TAFA2: variants seen among roughly 807,000 people sequenced by gnomAD.
The protein encoded by TAFA2 is chemokine-like protein TAFA-2.
TAFA2 carries 7 observed loss-of-function variants against 18.8 expected under a neutral mutation model. The observed-to-expected ratio is 0.37, with a 90% CI of 0.21 to 0.70. The LOEUF (loss-of-function observed/expected upper bound fraction) is 0.70. TAFA2 is among the 30% of genes least tolerant of loss of function. The probability of loss-of-function intolerance (pLI) is 0.53; values close to 1 mark genes in which losing one functional copy is unlikely to be tolerated. For missense variants in TAFA2, 122 were observed against 158.1 expected (o/e 0.77, Z 1.23); for synonymous variants, 60 against 54.2 (o/e 1.11, Z -0.47).
At chr12:61,807,738 C>G (rs1266575122) in intron 2 of TAFA2, among the ~76,000 whole-genome samples, 1 of 151,450 alleles carries the variant, frequency 6.6e-6, no homozygotes, top group African/African-American at 2.5e-5. Context: ...GGATATGAGA[C>G]ATGGAGTCAA....
At chr12:61,962,109 A>T (rs761822245) in intron 1 of TAFA2, among the ~76,000 whole-genome samples, 48 of 152,012 alleles carry the variant, frequency 3.2e-4, no homozygotes, top group Non-Finnish European at 6.6e-4. Context: ...TTTATTCTTC[A>T]TTCATTCATT....
At chr12:61,868,637 C>G (rs1415999015) in intron 1 of TAFA2, among the ~76,000 whole-genome samples, 12 of 152,012 alleles carry the variant, frequency 7.9e-5, no homozygotes, top group Admixed American at 7.9e-4. Flanking sequence ...GAACAGGTGG[C>G]TATACAATTT....
chr12:61,836,732 GATAT>G lies in TAFA2; in HGVS notation c.106+30584_106+30587del, dbSNP rs3034054. Among the ~76,000 whole-genome samples, 99 of 112,742 alleles carry G rather than the reference GATAT, an allele frequency of 8.8e-4. 4 individuals are homozygous for G. The highest frequency in any genetic ancestry group is 2.2e-3 in the East Asian group (8 of 3,590). The allele number at this position is 112,742 out of a possible 152,430, so 74.0% of individuals were successfully genotyped here. On this transcript the variant is annotated intron_variant, in intron 2 of 4. Coordinates refer to ENST00000416284, the MANE Select transcript of TAFA2 (RefSeq NM_178539.5). ...TAGTATTTAGAATTGTTGCCAATTT[GATAT>G]ATATATATATATATATATATACACA... is the stretch of plus-strand genomic sequence containing the variant.
intron 1 of TAFA2, among the ~76,000 whole-genome samples, chr12:61,922,047 G>A (rs117092707): frequency 4.6e-5 from 7 of 152,270 alleles, no homozygotes; most frequent in East Asian, 1.9e-4. Flanking sequence ...AGTTTCAGTC[G>A]TCTTGACAAG....
intron 1 of TAFA2, among the ~76,000 whole-genome samples, chr12:62,108,291 T>C (rs981151055): frequency 5.9e-5 from 9 of 152,202 alleles, no homozygotes; most frequent in African/African-American, 1.9e-4. Flanking sequence ...TCCAGCTTCA[T>C]CCATGTCCCT....
chr12:61,922,009 A>G (rs1201981254), intron 1 of TAFA2, among the ~76,000 whole-genome samples: 1 of 152,194 alleles, frequency 6.6e-6, no homozygotes, highest in Non-Finnish European at 1.5e-5. Context: ...GAGGACTAAG[A>G]ACTGAATGTT....
chr12:62,195,935 T>C (rs922855578), upstream of TAFA2, among the ~76,000 whole-genome samples: 1 of 152,216 alleles, frequency 6.6e-6, no homozygotes, highest in African/African-American at 2.4e-5. Flanking sequence ...CCAGATGTCA[T>C]CCTCTTCCAA....
intron 1 of TAFA2, among the ~76,000 whole-genome samples, chr12:62,091,419 A>G (rs1001780343): frequency 6.6e-6 from 1 of 151,974 alleles, no homozygotes; most frequent in Non-Finnish European, 1.5e-5. Flanking sequence ...CCTCTTTAAG[A>G]TAATGTCTAT....
intron 1 of TAFA2, among the ~76,000 whole-genome samples, chr12:62,018,074 T>A (rs1880998787): frequency 6.6e-6 from 1 of 152,146 alleles, no homozygotes; most frequent in Non-Finnish European, 1.5e-5. Context: ...AATTTCCCCA[T>A]GGAAATGGGG....
In TAFA2 at chr12:62,140,579, T is replaced by C. The variant is rs111722856; in HGVS notation, c.-2+50680A>G. ...CCCTCCACCCAATATGCTTCTCCTCTTAACCTTCATAAAGGTTAATCTCTA... is the reference window on the plus strand; with the variant it reads ...CCCTCCACCCAATATGCTTCTCCTCCTAACCTTCATAAAGGTTAATCTCTA... On this transcript the variant is annotated intron_variant, in intron 1 of 4. Coordinates refer to ENST00000416284, the MANE Select transcript of TAFA2 (RefSeq NM_178539.5). Among the ~76,000 whole-genome samples, 673 of 152,298 alleles carry C rather than the reference T, an allele frequency of 4.4e-3. 6 individuals are homozygous for C. Among genetic ancestry groups the C allele is most frequent in the African/African-American group, 0.015 (623 of 41,566 alleles).
chr12:61,967,669 C>T (rs1018503855), intron 1 of TAFA2, among the ~76,000 whole-genome samples: 4 of 151,806 alleles, frequency 2.6e-5, no homozygotes, highest in Non-Finnish European at 5.9e-5. Context: ...AAGAAGCATC[C>T]ATTTTTAGAA....
intron 4 of TAFA2, among the ~76,000 whole-genome samples, chr12:61,719,853 C>T (rs958758050): frequency 2.6e-5 from 4 of 152,152 alleles, no homozygotes; most frequent in Admixed American, 2.6e-4. Context: ...AGAAGCAGCA[C>T]ATGGAGATGG....
At chr12:61,998,396 C>T (rs762696551) in intron 1 of TAFA2, among the ~76,000 whole-genome samples, 5 of 152,044 alleles carry the variant, frequency 3.3e-5, no homozygotes, top group Non-Finnish European at 7.4e-5. Context: ...AAAAAGATAG[C>T]GCTCTCATGA....
chr12:62,022,896 A>C (rs1419150817), intron 1 of TAFA2, among the ~76,000 whole-genome samples: 1 of 152,218 alleles, frequency 6.6e-6, no homozygotes, highest in Non-Finnish European at 1.5e-5. Flanking sequence ...TGGCTGAATG[A>C]GGGGAGCAAC....
intron 1 of TAFA2, among the ~76,000 whole-genome samples, chr12:62,015,501 T>A (rs78154814): frequency 0.069 from 10,470 of 152,264 alleles, 462 homozygotes; most frequent in Non-Finnish European, 0.11. Context: ...GTGGATTTTT[T>A]AATGATAAAG....
At chr12:62,215,680 G>GAACTTGTTTCTCTTGCTTAATAGAAAC (rs2062731871) in intron 1 of TAFA2, among the ~76,000 whole-genome samples, 1 of 80,802 alleles carries the variant, frequency 1.2e-5, no homozygotes, top group African/African-American at 4.8e-5. Context: ...TTAAGAGGAA[G>GAACTTGTTTCTCTTGCTTAATAGAAAC]AACTTGTTTC....
chr12:62,145,172 G>T (rs1396935743), intron 1 of TAFA2, among the ~76,000 whole-genome samples: 2 of 152,130 alleles, frequency 1.3e-5, no homozygotes, highest in Non-Finnish European at 2.9e-5. Flanking sequence ...TGTTTAGTTT[G>T]TGCTACATGG....
At chr12:61,733,035 G>A (rs977067455) in intron 4 of TAFA2, among the ~76,000 whole-genome samples, 1 of 152,008 alleles carries the variant, frequency 6.6e-6, no homozygotes, top group South Asian at 2.1e-4. Context: ...AACATGCCAT[G>A]TCTTGGCTTT....
intron 1 of TAFA2, chr12:62,139,893 C>T (rs2136905665): frequency 6.6e-6 from 1 of 152,288 alleles, no homozygotes; most frequent in East Asian, 1.9e-4. Context: ...CTCCTAACTC[C>T]CAATCCAATT....
Sources: allele counts gnomAD v4.1 joint callset (sites outside exome capture counted in the v4.1 genomes callset), GRCh38; gene constraint gnomAD v4.1.1; transcripts MANE v1.5; gene names NCBI Gene and HGNC (gene_info 2026-07-23, HGNC 2026-07-21).